DEPDC4: variants seen among roughly 807,000 people sequenced by gnomAD.
DEPDC4 encodes DEP domain containing 4, also known as DEP domain-containing protein 4.
DEPDC4 carries 52 observed loss-of-function variants against 52.0 expected under a neutral mutation model. That is an observed-to-expected ratio of 1.00 (90% CI 0.80 to 1.26). The LOEUF (loss-of-function observed/expected upper bound fraction) is 1.26, where lower values mean the gene tolerates loss of function less well. Ranked by LOEUF, DEPDC4 falls within the 50% of genes most tolerant of loss-of-function variation. The pLI, the probability that DEPDC4 is intolerant of heterozygous loss-of-function variation, is 0.00. For synonymous variants in DEPDC4, 201 were observed against 196.8 expected (o/e 1.02, Z -0.18); for missense variants, 530 against 546.9 (o/e 0.97, Z 0.31).
intron 1 of DEPDC4, among the ~76,000 whole-genome samples, chr12:100,264,635 C>T (rs901852137): frequency 3.3e-5 from 5 of 151,580 alleles, no homozygotes; most frequent in Middle Eastern, 6.8e-3. Context: ...GCTGAAATCG[C>T]GCCACTGCAC....
At chr12:100,280,055 A>T in the DEPDC4 span, among the ~76,000 whole-genome samples, 1 of 152,180 alleles carries the variant, frequency 6.6e-6, no homozygotes, top group Non-Finnish European at 1.5e-5. Flanking sequence ...GTAGTTTGGA[A>T]TGTGCCTCTG....
At chr12:100,266,797 AG>A in intron 1 of DEPDC4, 122 bp downstream of exon 1, 2 of 1,310,566 alleles carry the variant, frequency 1.5e-6, no homozygotes, top group Non-Finnish European at 2.1e-6. Context: ...TAGGGCAGGA[AG>A]GGGGCGGGGC....
chr12:100,233,650 G>A (rs559481178), intron 9 of DEPDC4, among the ~76,000 whole-genome samples: 29 of 152,162 alleles, frequency 1.9e-4, no homozygotes, highest in Non-Finnish European at 3.7e-4. Flanking sequence ...TAGCATCATT[G>A]GTTATAGGGT....
At chr12:100,259,422 T>C (rs2096246184) in intron 3 of DEPDC4, among the ~76,000 whole-genome samples, 1 of 152,168 alleles carries the variant, frequency 6.6e-6, no homozygotes, top group African/African-American at 2.4e-5. Context: ...TGTGTATGAA[T>C]GTAAAAAACC....
At chr12:100,279,138 C>T in the DEPDC4 span, among the ~76,000 whole-genome samples, 6 of 152,152 alleles carry the variant, frequency 3.9e-5, no homozygotes, top group South Asian at 2.1e-4. Flanking sequence ...GGACCGGATT[C>T]GTGGAAGACA....
At position 100,263,576 on chromosome 12, in the gene DEPDC4, T is replaced by C. The variant is rs759110518; in HGVS notation, c.475A>G (p.Arg159Gly). The change falls in exon 2 of 10, where the codon AGG becomes GGG. Residue 159 changes from arginine to glycine, a missense_variant. Transcript: ENST00000550587. ...EFEDSNISLYRFLGNKSSYDC... is the reference protein window; with the variant it reads ...EFEDSNISLYGFLGNKSSYDC... ...TAAGATGATTTATTGCCTAGAAACC[T>C]GTAGAGACTAATGTTGGAATCTTCA... 25 of 1,613,572 alleles carry C rather than the reference T, an allele frequency of 1.5e-5. No homozygotes were observed. The highest frequency in any genetic ancestry group is 3.3e-5 in the South Asian group (3 of 90,950).
chr12:100,236,071 CTT>C (rs140544045), downstream of DEPDC4, among the ~76,000 whole-genome samples: 3,902 of 152,276 alleles, frequency 0.026, 74 homozygotes, highest in African/African-American at 0.047. Flanking sequence ...ATATACCACA[CTT>C]TGTTTATCCA....
rs536426215 is a variant in DEPDC4, at chr12:100,240,765, T to G, written c.*1127A>C. ...TAATTTGTGGCCTTTTAAATCTACT[T>G]CATGTGGCCGGGTGTGGTGGCTCAC... On this transcript the variant is annotated 3_prime_UTR_variant, in exon 10 of 10. Transcript: ENST00000550587. Among the ~76,000 whole-genome samples the G allele has an allele frequency of 6.6e-6, 1 of 152,204 alleles. No homozygotes were observed. The highest frequency in any genetic ancestry group is 6.5e-5 in the Admixed American group (1 of 15,274).
Position 100,256,225 on chromosome 12 carries a change from A to G in DEPDC4, c.702T>C (p.Asp234=). 1 of 1,605,530 alleles carries G rather than the reference A, an allele frequency of 6.2e-7. No homozygotes were observed. The highest frequency in any genetic ancestry group is 8.5e-7 in the Non-Finnish European group (1 of 1,174,140). ...QKPFLRLSKE[D]VWKEQTLLCL... is the part of the protein sequence containing the mutation. ...ATAATAATGTTTGTTCTTTCCAAAC[A>G]TCTTGAAAAGGAAAGTAATGCAATG... is the stretch of plus-strand genomic sequence containing the variant. The change falls in exon 4 of 10, where the codon GAT becomes GAC. Residue 234 remains aspartate, a splice_region_variant and synonymous_variant. Transcript: ENST00000550587.
At chr12:100,256,696 T>C (rs1446930160) in intron 3 of DEPDC4, among the ~76,000 whole-genome samples, 1 of 151,236 alleles carries the variant, frequency 6.6e-6, no homozygotes, top group African/African-American at 2.4e-5. Context: ...GGCTCGAGTG[T>C]AGTGGTGAGA....
intron 3 of DEPDC4, among the ~76,000 whole-genome samples, chr12:100,260,197 T>C (rs1375063287): frequency 6.6e-6 from 1 of 152,106 alleles, no homozygotes; most frequent in Non-Finnish European, 1.5e-5. Context: ...CTCCATTTAC[T>C]GCAACCTTTG....
In DEPDC4 at chr12:100,256,058, C is replaced by T. The variant is rs772318548; in HGVS notation, c.869G>A (p.Cys290Tyr). Residue 290 changes from cysteine (C) to tyrosine (Y), a missense_variant, in exon 4 of 10, where the codon TGT becomes TAT. By Grantham distance (194) the Cys-to-Tyr change is radical (BLOSUM62 -2). Transcript: ENST00000550587. Reference protein sequence around the residue: ...CLDRELIPSLCLPEIDNWLNA... With the variant: ...CLDRELIPSLYLPEIDNWLNA... ...AAAAATGGTCACTTACTCAGGTAGA[C>T]ATAAGCTTGGAATAAGTTCTCTGTC... is the stretch of plus-strand genomic sequence containing the variant. The T allele has an allele frequency of 1.9e-6, 3 of 1,599,144 alleles. No homozygotes were observed. In the South Asian group the frequency reaches 3.4e-5, roughly 18 times the overall value.
chr12:100,243,453 C>A lies in DEPDC4; in HGVS notation c.1454-884G>T, dbSNP rs573679432. Reference sequence around the variant, plus strand: ...ACAATATGGTCTCCTCCTACTTTATCGAGGAAAATGGATTCATCACTTAAT... The same window carrying A: ...ACAATATGGTCTCCTCCTACTTTATAGAGGAAAATGGATTCATCACTTAAT... On this transcript the variant is annotated intron_variant, in intron 8 of 9. Transcript: ENST00000550587. Among the ~76,000 whole-genome samples the A allele has an allele frequency of 8.2e-4, 125 of 152,256 alleles. 1 individual carries two copies. The highest frequency in any genetic ancestry group is 2.8e-3 in the African/African-American group (117 of 41,546).
the DEPDC4 span, among the ~76,000 whole-genome samples, chr12:100,273,382 T>C: frequency 2.0e-5 from 3 of 152,194 alleles, no homozygotes; most frequent in African/African-American, 4.8e-5. Flanking sequence ...CTGTAGCGTT[T>C]TATCACTCTG....
chr12:100,244,091 C>CTCTATATATATA (rs2096172627), intron 8 of DEPDC4, among the ~76,000 whole-genome samples: 2 of 35,016 alleles, frequency 5.7e-5, no homozygotes, highest in Admixed American at 4.0e-4. Flanking sequence ...CTCTCTCTCT[C>CTCTATATATATA]TGTGTATATA....
At chr12:100,242,324 C>G (rs201160799) in intron 9 of DEPDC4, among the ~76,000 whole-genome samples, 162 bp downstream of exon 9, 5 of 96,040 alleles carry the variant, frequency 5.2e-5, no homozygotes, top group Non-Finnish European at 1.1e-4. Flanking sequence ...ACTATGAGGG[C>G]TTTTTTTTTT....
In DEPDC4 at chr12:100,240,493, C is replaced by T. The variant is rs576251409; in HGVS notation, c.*1399G>A. 1.9e-4 allele frequency among the ~76,000 whole-genome samples: 29 copies of T among 152,254 alleles called. No individual in the cohort carries two copies. In the South Asian group the frequency reaches 5.8e-3, roughly 30 times the overall value. On this transcript the variant is annotated 3_prime_UTR_variant, in exon 10 of 10. Transcript: ENST00000550587. ...ATAAGAATTTTTCTGTGTAAAACTT[C>T]CCATAGGTATTGAATCTGTAACCTC... is the stretch of plus-strand genomic sequence containing the variant.
the DEPDC4 span, among the ~76,000 whole-genome samples, chr12:100,274,191 G>C: frequency 3.3e-5 from 5 of 152,200 alleles, no homozygotes; most frequent in Middle Eastern, 3.2e-3. Flanking sequence ...TTCGTTAATA[G>C]AGAAAACAGG....
At chr12:100,248,721 G>A (rs962928571) in intron 8 of DEPDC4, among the ~76,000 whole-genome samples, 179 bp downstream of exon 8, 1 of 151,918 alleles carries the variant, frequency 6.6e-6, no homozygotes, top group African/African-American at 2.4e-5. Context: ...GTAAATAAAG[G>A]GTTTCAAAAA....
Sources: gnomAD v4.1 joint callset for allele counts (sites outside exome capture counted in the v4.1 genomes callset) on GRCh38, gnomAD v4.1.1 for gene constraint, MANE v1.5 for transcripts, NCBI Gene and HGNC (gene_info 2026-07-23, HGNC 2026-07-21) for gene names.